The following RBFOX1 variants were observed in gnomAD, a reference collection of about 807,000 sequenced individuals.
RBFOX1 encodes RNA binding fox-1 homolog 1.
A neutral mutation model predicts 57.7 loss-of-function variants in RBFOX1; 8 were observed. The ratio of observed to expected loss-of-function variants is 0.14; its 90% CI spans 0.08 to 0.25. The LOEUF (loss-of-function observed/expected upper bound fraction) is 0.25. Ranked by LOEUF, RBFOX1 falls within the 10% of genes least tolerant of loss-of-function variation. The probability of loss-of-function intolerance (pLI) is 1.00; values close to 1 mark genes in which losing one functional copy is unlikely to be tolerated. For synonymous variants in RBFOX1, 326 were observed against 222.4 expected (o/e 1.47, Z -4.15); for missense variants, 611 against 548.5 (o/e 1.11, Z -1.14).
At chr16:6,970,473 T>C (rs1235927809) in intron 3 of RBFOX1, among the ~76,000 whole-genome samples, 1 of 152,106 alleles carries the variant, frequency 6.6e-6, no homozygotes, top group Admixed American at 6.5e-5. Flanking sequence ...TGGGAGTACA[T>C]TGCTCACAGT....
intron 3 of RBFOX1, among the ~76,000 whole-genome samples, chr16:5,767,513 G>C (rs549379137): frequency 2.4e-4 from 36 of 152,314 alleles, no homozygotes; most frequent in African/African-American, 7.9e-4. Context: ...CAGAGCCCCT[G>C]TGCAGACATC....
chr16:5,875,243 CA>C (rs1183988670), intron 4 of RBFOX1, among the ~76,000 whole-genome samples: 6 of 152,152 alleles, frequency 3.9e-5, no homozygotes, highest in African/African-American at 1.2e-4. Context: ...ATGTTACAGA[CA>C]AAAAAACTGA....
At chr16:5,245,153 G>A (rs1596292635) in intron 1 of RBFOX1, among the ~76,000 whole-genome samples, 1 of 152,324 alleles carries the variant, frequency 6.6e-6, no homozygotes, top group East Asian at 1.9e-4. Context: ...TGCCAGGGAT[G>A]CAGGCGAGTC....
chr16:7,250,898 C>G (rs181679255), intron 4 of RBFOX1, among the ~76,000 whole-genome samples: 1 of 152,028 alleles, frequency 6.6e-6, no homozygotes, highest in East Asian at 1.9e-4. Context: ...TTTGAATTGA[C>G]AAAGATGGTA....
chr16:5,398,935 T>A (rs945170785), intron 1 of RBFOX1, among the ~76,000 whole-genome samples: 1 of 152,228 alleles, frequency 6.6e-6, no homozygotes, highest in Non-Finnish European at 1.5e-5. Flanking sequence ...GAAAGGTGGC[T>A]GCGATTGGTG....
At chr16:7,433,984 G>C (rs1176586156) in intron 4 of RBFOX1, among the ~76,000 whole-genome samples, 1 of 152,188 alleles carries the variant, frequency 6.6e-6, no homozygotes, top group South Asian at 2.1e-4. Context: ...GTATTTGTGA[G>C]AACGATGAGA....
intron 4 of RBFOX1, among the ~76,000 whole-genome samples, chr16:7,159,378 A>G (rs2152365589): frequency 6.6e-6 from 1 of 152,154 alleles, no homozygotes; most frequent in South Asian, 2.1e-4. Context: ...GCTTACATGT[A>G]TGTGCTGATA....
At chr16:6,887,168 T>C (rs1036675231) in intron 3 of RBFOX1, among the ~76,000 whole-genome samples, 16 of 152,214 alleles carry the variant, frequency 1.1e-4, no homozygotes, top group Admixed American at 2.6e-4. Context: ...CTTGTTATTG[T>C]TGGTATACTC....
intron 2 of RBFOX1, among the ~76,000 whole-genome samples, chr16:6,361,981 A>C (rs1248656723): frequency 1.3e-5 from 2 of 152,138 alleles, no homozygotes; most frequent in Non-Finnish European, 2.9e-5. Context: ...ATTTGAAGAT[A>C]CAGCTGAGAA....
intron 1 of RBFOX1, chr16:5,270,904 A>G (rs1373678788): frequency 7.3e-6 from 3 of 412,534 alleles, no homozygotes; most frequent in East Asian, 6.5e-5. Context: ...GACACATGCT[A>G]AAGTTGAATG....
chr16:7,574,780 T>G (rs1268845276), intron 5 of RBFOX1, among the ~76,000 whole-genome samples: 1 of 152,080 alleles, frequency 6.6e-6, no homozygotes, highest in East Asian at 1.9e-4. Context: ...CCAATCAAGT[T>G]GACACTCAGT....
intron 3 of RBFOX1, among the ~76,000 whole-genome samples, chr16:5,691,019 C>T (rs957865304): frequency 6.6e-6 from 1 of 152,112 alleles, no homozygotes; most frequent in East Asian, 1.9e-4. Context: ...TACCCCAGAA[C>T]AAAATTTTGA....
chr16:6,403,058 G>A (rs925206792), intron 2 of RBFOX1, among the ~76,000 whole-genome samples: 5 of 152,150 alleles, frequency 3.3e-5, no homozygotes, highest in Non-Finnish European at 5.9e-5. Context: ...TGGGTGCTGA[G>A]AGAGTCGATT....
intron 4 of RBFOX1, among the ~76,000 whole-genome samples, chr16:5,995,682 T>C (rs954371650): frequency 2.0e-5 from 3 of 152,180 alleles, no homozygotes; most frequent in African/African-American, 7.2e-5. Context: ...CCAGATTATG[T>C]TCAAGCTTGG....
At chr16:6,578,596 TGC>T (rs1160215984) in intron 2 of RBFOX1, among the ~76,000 whole-genome samples, 12 of 133,780 alleles carry the variant, frequency 9.0e-5, no homozygotes, top group Non-Finnish European at 1.9e-4. Context: ...TTGGTGTGTG[TGC>T]GTGTGTGTGT....
At chr16:6,869,040 A>C (rs960956392) in intron 3 of RBFOX1, among the ~76,000 whole-genome samples, 1 of 152,218 alleles carries the variant, frequency 6.6e-6, no homozygotes, top group South Asian at 2.1e-4. Flanking sequence ...TGTATTGAGC[A>C]CATGGTACGA....
chr16:7,267,686 C>G (rs1021688038), intron 4 of RBFOX1, among the ~76,000 whole-genome samples: 3 of 152,128 alleles, frequency 2.0e-5, no homozygotes, highest in Non-Finnish European at 4.4e-5. Context: ...AAAACCCCAT[C>G]TTTACTAAAA....
intron 1 of RBFOX1, among the ~76,000 whole-genome samples, chr16:6,204,503 A>C (rs375949409): frequency 6.6e-6 from 1 of 152,192 alleles, no homozygotes; most frequent in Admixed American, 6.5e-5. Context: ...CACCAACAAA[A>C]ATAGACTGAA....
In RBFOX1 at chr16:7,184,192, C is replaced by A. The variant is rs1420811087; in HGVS notation, c.27+132094C>A. Among the ~76,000 whole-genome samples, 5 of 152,194 alleles carry A rather than the reference C, an allele frequency of 3.3e-5. 1 individual carries two copies. Among genetic ancestry groups the A allele is most frequent in the Admixed American group, 6.5e-5 (1 of 15,276 alleles). On this transcript the variant is annotated intron_variant, in intron 4 of 15. Transcript: ENST00000550418. The stretch of plus-strand genomic sequence containing the variant: ...ACAGGGCTGGAATTAGCTCCGTGAA[C>A]AAGTGGAGAGAAGGAAGTGGAGAGG...
Sources: allele counts gnomAD v4.1 joint callset (sites outside exome capture counted in the v4.1 genomes callset), GRCh38; gene constraint gnomAD v4.1.1; transcripts MANE v1.5; gene names NCBI Gene and HGNC (gene_info 2026-07-23, HGNC 2026-07-21).